Variants in ACOXL observed in about 807,000 individuals in gnomAD.
ACOXL encodes the protein acyl-CoA oxidase like, also known as acyl-coenzyme A oxidase-like protein.
Under a neutral mutation model 71.9 loss-of-function variants are expected in ACOXL, and 70 were observed. The ratio of observed to expected loss-of-function variants is 0.97; its 90% confidence interval spans 0.80 to 1.19. The LOEUF (loss-of-function observed/expected upper bound fraction) is 1.19, where lower values mean the gene tolerates loss of function less well. Among genes scored for constraint, ACOXL ranks in the 50% most tolerant of loss-of-function variants. The probability of loss-of-function intolerance (pLI) is 0.00; values close to 1 mark genes in which losing one functional copy is unlikely to be tolerated. For synonymous variants in ACOXL, 253 were observed against 281.6 expected (o/e 0.90, Z 1.02); for missense variants, 703 against 736.3 (o/e 0.95, Z 0.52).
intron 9 of ACOXL, among the ~76,000 whole-genome samples, chr2:110,824,867 C>G (rs1444652943): frequency 6.6e-6 from 1 of 152,090 alleles, no homozygotes; most frequent in Non-Finnish European, 1.5e-5. Context: ...TTTCCCGATT[C>G]TTTGTAAATG....
chr2:110,936,983 G>T (rs935062687), intron 12 of ACOXL, among the ~76,000 whole-genome samples: 1 of 152,104 alleles, frequency 6.6e-6, no homozygotes. Flanking sequence ...GAGTAGCTGG[G>T]ATTAAGGCAT....
At chr2:110,909,720 G>A (rs2059583663) in intron 11 of ACOXL, among the ~76,000 whole-genome samples, 1 of 151,052 alleles carries the variant, frequency 6.6e-6, no homozygotes, top group Admixed American at 6.6e-5. Flanking sequence ...GGTAATCAGA[G>A]AGCCCTTGGC....
At chr2:110,774,228 A>G (rs942970952) in intron 2 of ACOXL, among the ~76,000 whole-genome samples, 2 of 152,120 alleles carry the variant, frequency 1.3e-5, no homozygotes, top group Non-Finnish European at 2.9e-5. Context: ...GGGGCAGTGA[A>G]CAAAGCAGGC....
intron 9 of ACOXL, among the ~76,000 whole-genome samples, chr2:110,826,079 T>C (rs1397858349): frequency 6.6e-6 from 1 of 152,216 alleles, no homozygotes; most frequent in Non-Finnish European, 1.5e-5. Flanking sequence ...CTTTATTTAA[T>C]TGCCTGTTTC....
chr2:110,778,423 T>C (rs1682923932), intron 2 of ACOXL, among the ~76,000 whole-genome samples: 1 of 152,282 alleles, frequency 6.6e-6, no homozygotes, highest in Non-Finnish European at 1.5e-5. Flanking sequence ...CTTTGAAATG[T>C]ATCATATATG....
intron 9 of ACOXL, 91 bp downstream of exon 9, chr2:110,805,486 G>A: frequency 6.5e-7 from 1 of 1,541,356 alleles, no homozygotes; most frequent in Non-Finnish European, 8.9e-7. Flanking sequence ...AGCTTCTGGA[G>A]CCACAGTTGG....
At chr2:110,854,208 G>A (rs1692966589) in intron 10 of ACOXL, among the ~76,000 whole-genome samples, 1 of 152,178 alleles carries the variant, frequency 6.6e-6, no homozygotes, top group South Asian at 2.1e-4. Context: ...CAACTTCTGA[G>A]GGGAAGAAGA....
chr2:110,916,195 T>C (rs901860163), intron 11 of ACOXL, among the ~76,000 whole-genome samples: 1 of 152,050 alleles, frequency 6.6e-6, no homozygotes, highest in Non-Finnish European at 1.5e-5. Context: ...TCTGTGACAA[T>C]GTCACTTCTT....
intron 9 of ACOXL, among the ~76,000 whole-genome samples, chr2:110,809,454 C>T (rs1687054068): frequency 6.6e-6 from 1 of 152,206 alleles, no homozygotes. Context: ...GTCCTGAGAG[C>T]CTGAACGATG....
intron 12 of ACOXL, among the ~76,000 whole-genome samples, chr2:110,977,514 C>A (rs2062505656): frequency 6.6e-6 from 1 of 152,154 alleles, no homozygotes; most frequent in Non-Finnish European, 1.5e-5. Flanking sequence ...TCATGATGCA[C>A]ACAAACTCAC....
chr2:110,963,627 T>C (rs1347626470), intron 12 of ACOXL: 1 of 1,613,056 alleles, frequency 6.2e-7, no homozygotes, highest in African/African-American at 1.3e-5. Flanking sequence ...GCAACAGGGT[T>C]ACATGATGGA....
At chr2:110,952,943 T>C (rs1256481510) in intron 12 of ACOXL, among the ~76,000 whole-genome samples, 1 of 152,264 alleles carries the variant, frequency 6.6e-6, no homozygotes, top group Non-Finnish European at 1.5e-5. Flanking sequence ...ATTCTAAATT[T>C]ATTTTAATTT....
At chr2:110,757,906 T>G (rs989658387) in intron 1 of ACOXL, among the ~76,000 whole-genome samples, 1 of 152,208 alleles carries the variant, frequency 6.6e-6, no homozygotes, top group African/African-American at 2.4e-5. Flanking sequence ...TTAGATCCGA[T>G]TCGTCAATTT....
intron 1 of ACOXL, among the ~76,000 whole-genome samples, chr2:110,741,821 C>G (rs1266496458): frequency 2.6e-5 from 4 of 152,158 alleles, no homozygotes; most frequent in African/African-American, 9.7e-5. Flanking sequence ...CTTTTGCACG[C>G]AAGCACTCAG....
chr2:111,117,152 T>C (rs1372282724), intron 17 of ACOXL, among the ~76,000 whole-genome samples: 1 of 152,202 alleles, frequency 6.6e-6, no homozygotes, highest in Admixed American at 6.5e-5. Context: ...GTGGTTCACC[T>C]GTTCGGAGGC....
At chr2:111,035,343 T>C (rs2149767660) in intron 15 of ACOXL, among the ~76,000 whole-genome samples, 1 of 152,390 alleles carries the variant, frequency 6.6e-6, no homozygotes, top group East Asian at 1.9e-4. Flanking sequence ...CGTAGTGGGA[T>C]GTAACTGTTA....
chr2:110,881,051 A>G (rs1278849508), intron 10 of ACOXL, among the ~76,000 whole-genome samples: 2 of 152,130 alleles, frequency 1.3e-5, no homozygotes, highest in African/African-American at 4.8e-5. Context: ...TGAGATCATT[A>G]GAAGATTATT....
chr2:110,875,397 C>T (rs1695781895), intron 10 of ACOXL, among the ~76,000 whole-genome samples: 1 of 152,204 alleles, frequency 6.6e-6, no homozygotes, highest in Non-Finnish European at 1.5e-5. Flanking sequence ...CCGCAAGCCA[C>T]ACAATTCTAA....
chr2:111,042,833 G>A (rs2065847082), intron 15 of ACOXL, among the ~76,000 whole-genome samples: 1 of 152,184 alleles, frequency 6.6e-6, no homozygotes, highest in South Asian at 2.1e-4. Flanking sequence ...ACCCCAGAGT[G>A]GAGCTGGATG....
Sources: allele counts gnomAD v4.1 joint callset (sites outside exome capture counted in the v4.1 genomes callset), GRCh38; gene constraint gnomAD v4.1.1; transcripts MANE v1.5; gene names NCBI Gene and HGNC (gene_info 2026-07-23, HGNC 2026-07-21).